SRC: variants seen among roughly 807,000 people sequenced by gnomAD.
The protein encoded by SRC is proto-oncogene tyrosine-protein kinase Src.
Under a neutral mutation model 62.9 loss-of-function variants are expected in SRC, and 13 were observed. The ratio of observed to expected loss-of-function variants is 0.21; its 90% CI spans 0.13 to 0.33. SRC has a LOEUF of 0.33. Ranked by LOEUF, SRC falls within the 10% of genes least tolerant of loss-of-function variation. The pLI is 1.00. For missense variants in SRC, 457 were observed against 737.3 expected (o/e 0.62, Z 4.40); for synonymous variants, 302 against 317.5 (o/e 0.95, Z 0.52).
At chr20:37,393,024 G>A (rs931631842) in intron 5 of SRC, among the ~76,000 whole-genome samples, 4 of 151,928 alleles carry the variant, frequency 2.6e-5, no homozygotes, top group Non-Finnish European at 5.9e-5. Context: ...AGGTACTTCC[G>A]CCCCTCCCCG....
At position 37,384,737 on chromosome 20, in the gene SRC, G is replaced by A. The variant is rs556786636; in HGVS notation, c.250+334G>A. On this transcript the variant is annotated intron_variant, in intron 4 of 13. Transcript: ENST00000373578. The surrounding 1 kb of genome is among the most constrained non-coding windows in gnomAD (Gnocchi z 6.7). ...CGCCCAGTCCTTTTTCGTTGCCTGG[G>A]TCCGCCCAGAGATGAGTCGGGACGC... Among the ~76,000 whole-genome samples, 58 of 152,236 alleles carry A rather than the reference G, an allele frequency of 3.8e-4. No homozygotes were observed. In the East Asian group the frequency reaches 9.7e-3, roughly 25 times the overall value.
Position 37,402,936 on chromosome 20 carries a change from C to T in SRC, c.1402+56C>T. The T allele has an allele frequency of 1.3e-6, 2 of 1,570,250 alleles. No homozygotes were observed. Among genetic ancestry groups the T allele is most frequent in the South Asian group, 1.2e-5 (1 of 85,104 alleles). ...CCCTGAATCCCTCTGCCCTGGTGGC[C>T]TTGGGCAAGTCATGACTCCTGCTGG... On this transcript the variant is annotated intron_variant, in intron 13 of 13. Coordinates refer to ENST00000373578, the MANE Select transcript of SRC (RefSeq NM_198291.3). This position sits in a 1 kb window ranked among gnomAD's most constrained non-coding sequence, Gnocchi z 6.2.
chr20:37,373,077 T>C (rs147681780), intron 2 of SRC, among the ~76,000 whole-genome samples: 17 of 150,954 alleles, frequency 1.1e-4, no homozygotes, highest in South Asian at 8.3e-4. Context: ...TATACACACA[T>C]ATATACATAT....
At chr20:37,358,919 A>T (rs996157639) in intron 1 of SRC, among the ~76,000 whole-genome samples, 13 of 152,242 alleles carry the variant, frequency 8.5e-5, no homozygotes, top group African/African-American at 2.4e-5. Flanking sequence ...CGGACACGGG[A>T]CCAGGCATGT....
rs932997269 is a variant in SRC, at chr20:37,403,602, G to T, written c.*223G>T. 1.7e-6 allele frequency: 1 copy of T among 581,718 alleles called. No homozygotes were observed. Among genetic ancestry groups the T allele is most frequent in the Non-Finnish European group, 3.1e-6 (1 of 327,050 alleles). 36.0% of individuals were successfully genotyped at this position (581,718 alleles called of 1,614,324 possible). A position where few individuals can be genotyped will look rare whatever the true frequency, so the allele number is the denominator to read the frequency against. On this transcript the variant is annotated 3_prime_UTR_variant, in exon 14 of 14. Transcript: ENST00000373578. This position sits in a 1 kb window ranked among gnomAD's most constrained non-coding sequence, Gnocchi z 7.1. ...GAGACCAGCACGGTGACTCTGTCCA[G>T]CTCCCGCTGTGGCCGCACGCCTCTC...
intron 1 of SRC, among the ~76,000 whole-genome samples, chr20:37,361,327 C>T (rs1021361770): frequency 7.9e-5 from 12 of 152,160 alleles, no homozygotes; most frequent in Non-Finnish European, 1.2e-4. Flanking sequence ...CTCGGATGCC[C>T]TCTCCTCCCT....
At chr20:37,392,252 C>T (rs1193261872) in intron 5 of SRC, among the ~76,000 whole-genome samples, 1 of 152,226 alleles carries the variant, frequency 6.6e-6, no homozygotes, top group East Asian at 1.9e-4. Flanking sequence ...ACAACACCCT[C>T]TGGCTCACTT....
chr20:37,364,245 TGG>T (rs2070027282), intron 1 of SRC, among the ~76,000 whole-genome samples: 1 of 151,882 alleles, frequency 6.6e-6, no homozygotes, highest in Admixed American at 6.5e-5. Context: ...GTTTGCCTCC[TGG>T]TGCTGTGTCT....
At chr20:37,367,870 C>G (rs2070089228) in intron 2 of SRC, among the ~76,000 whole-genome samples, 1 of 152,130 alleles carries the variant, frequency 6.6e-6, no homozygotes, top group Admixed American at 6.5e-5. Context: ...GTCTCAAGCT[C>G]CTGGCCTCAA....
chr20:37,377,047 T>G (rs1414733540), intron 2 of SRC, among the ~76,000 whole-genome samples: 1 of 152,216 alleles, frequency 6.6e-6, no homozygotes, highest in Non-Finnish European at 1.5e-5. Context: ...TGAACCTTGA[T>G]CCCATCTGTA....
intron 7 of SRC, among the ~76,000 whole-genome samples, chr20:37,395,883 A>G (rs1377542152): frequency 6.6e-6 from 1 of 152,256 alleles, no homozygotes; most frequent in Admixed American, 6.5e-5. Flanking sequence ...TAGGGCCAGC[A>G]ACCCCTCCAA....
chr20:37,397,743 A>G lies in SRC; in HGVS notation c.748A>G (p.Thr250Ala), dbSNP rs901620408. 1 of 1,608,948 alleles carries G rather than the reference A, an allele frequency of 6.2e-7. No homozygotes were observed. ...LCHRLTTVCP[T>A]SKPQTQGLAK... ...CCACCGCCTCACCACCGTGTGCCCCACGTCCAAGCCGCAGACTCAGGGCCT... is the reference window on the plus strand; with the variant it reads ...CCACCGCCTCACCACCGTGTGCCCCGCGTCCAAGCCGCAGACTCAGGGCCT... The change falls in exon 9 of 14, where the codon ACG becomes GCG. Residue 250 changes from threonine to alanine, a missense_variant. Around this residue, in one of 4 missense-constraint regions of SRC, gnomAD observed 141 missense variants for 198.4 expected, o/e 0.71. Coordinates refer to ENST00000373578, the MANE Select transcript of SRC (RefSeq NM_198291.3). The surrounding 1 kb of genome is among the most constrained non-coding windows in gnomAD (Gnocchi z 4.1).
intron 5 of SRC, 80 bp downstream of exon 5, chr20:37,386,254 C>A: frequency 1.5e-6 from 2 of 1,365,520 alleles, no homozygotes; most frequent in Non-Finnish European, 2.1e-6. Context: ...CAGGATCTGG[C>A]ATCAGGGCAG....
rs990860763 is a variant in SRC, at chr20:37,403,808, G to A, written c.*429G>A. 13 of 263,674 alleles carry A rather than the reference G, an allele frequency of 4.9e-5. No homozygotes were observed. Among genetic ancestry groups the A allele is most frequent in the East Asian group, 1.6e-4 (3 of 18,536 alleles). The allele number at this position is 263,674 out of a possible 1,614,324, so 16.3% of individuals were successfully genotyped here. Reference sequence around the variant, plus strand: ...GGCCAAAGAGCCTTTCCAAAGAGGAGCGATGGGCCCCTGGCCCCGCCTGCC... The same window carrying A: ...GGCCAAAGAGCCTTTCCAAAGAGGAACGATGGGCCCCTGGCCCCGCCTGCC... On this transcript the variant is annotated 3_prime_UTR_variant, in exon 14 of 14. Transcript: ENST00000373578. The surrounding 1 kb of genome is among the most constrained non-coding windows in gnomAD (Gnocchi z 7.1).
intron 2 of SRC, among the ~76,000 whole-genome samples, chr20:37,381,375 C>G (rs1159094573): frequency 6.6e-6 from 1 of 152,158 alleles, no homozygotes; most frequent in Non-Finnish European, 1.5e-5. Context: ...AGCCCTGGCT[C>G]TCTGTCTCCC....
chr20:37,394,431 T>C (rs1284792208), intron 7 of SRC, among the ~76,000 whole-genome samples, 154 bp downstream of exon 7: 1 of 152,072 alleles, frequency 6.6e-6, no homozygotes, highest in African/African-American at 2.4e-5. Context: ...GGAGGTGCAT[T>C]TGAGGAACAC....
chr20:37,368,559 GT>G (rs1479508939), intron 2 of SRC, among the ~76,000 whole-genome samples: 4 of 56,238 alleles, frequency 7.1e-5, no homozygotes, highest in Admixed American at 4.6e-4. Flanking sequence ...TTTTTTTTTT[GT>G]TTTTTTTTTT....
chr20:37,397,842 G>T lies in SRC; in HGVS notation c.847G>T (p.Glu283Ter). ...CAAGCTGGGCCAGGGCTGCTTTGGC[G>T]AGGTGTGGATGGGTAAGGCCTGGCC... is the stretch of plus-strand genomic sequence containing the variant. ...EVKLGQGCFGEVWMGTWNGTT... is the reference protein window; with the variant it reads ...EVKLGQGCFG Residue 283 changes from glutamate (E) to a stop codon, truncating the protein, a stop_gained, in exon 9 of 14, where the codon GAG (glutamate) becomes TAG (stop). Coordinates refer to ENST00000373578, the MANE Select transcript of SRC (RefSeq NM_198291.3). LOFTEE classifies it high-confidence loss of function. The surrounding 1 kb of genome is among the most constrained non-coding windows in gnomAD (Gnocchi z 4.1). The T allele has an allele frequency of 6.2e-7, 1 of 1,610,624 alleles. No homozygotes were observed.
intron 5 of SRC, among the ~76,000 whole-genome samples, chr20:37,387,520 C>A (rs923631490): frequency 4.1e-5 from 6 of 144,902 alleles, no homozygotes; most frequent in Non-Finnish European, 9.0e-5. Context: ...ACCGAAGCAG[C>A]AACTTTCTGC....
Sources: gnomAD v4.1 joint callset for allele counts (sites outside exome capture counted in the v4.1 genomes callset) on GRCh38, gnomAD v4.1.1 for gene constraint, gnomAD v4.1.1 regional missense constraint, Gnocchi (gnomAD v3.1) non-coding constraint, MANE v1.5 for transcripts, NCBI Gene and HGNC (gene_info 2026-07-23, HGNC 2026-07-21) for gene names.